DAB1: variants seen among roughly 807,000 people sequenced by gnomAD.
The protein encoded by DAB1 is disabled homolog 1.
A neutral mutation model predicts 64.6 loss-of-function variants in DAB1; 15 were observed. That is an observed-to-expected ratio of 0.23 (90% CI 0.16 to 0.36). The LOEUF (loss-of-function observed/expected upper bound fraction) is 0.36, where lower values mean the gene tolerates loss of function less well. DAB1 is among the 10% of genes least tolerant of loss of function. The pLI is 1.00. For synonymous variants in DAB1, 235 were observed against 251.9 expected (o/e 0.93, Z 0.64); for missense variants, 596 against 706.7 (o/e 0.84, Z 1.78).
chr1:58,467,761 G>T (rs1645310556), intron 3 of DAB1, among the ~76,000 whole-genome samples: 1 of 152,128 alleles, frequency 6.6e-6, no homozygotes, highest in Non-Finnish European at 1.5e-5. Context: ...TTTTTATTAT[G>T]AAATACTTCA....
At chr1:57,580,783 T>G (rs1645303883) in intron 7 of DAB1, among the ~76,000 whole-genome samples, 1 of 152,170 alleles carries the variant, frequency 6.6e-6, no homozygotes, top group Admixed American at 6.5e-5. Context: ...AATCTCATCC[T>G]CATAATAATC....
At chr1:57,068,248 C>A (rs1181811420) in intron 8 of DAB1, among the ~76,000 whole-genome samples, 2 of 152,142 alleles carry the variant, frequency 1.3e-5, no homozygotes, top group Non-Finnish European at 2.9e-5. Flanking sequence ...TAAAATCTGA[C>A]ACTCAGGACA....
At chr1:58,093,512 T>A (rs1650803320) in intron 5 of DAB1, among the ~76,000 whole-genome samples, 1 of 151,886 alleles carries the variant, frequency 6.6e-6, no homozygotes, top group South Asian at 2.1e-4. Context: ...ATGTGAGGGA[T>A]CTAGTTTGCA....
At chr1:57,141,075 C>T (rs745583603) in intron 3 of DAB1, among the ~76,000 whole-genome samples, 4 of 152,174 alleles carry the variant, frequency 2.6e-5, no homozygotes, top group Non-Finnish European at 5.9e-5. Context: ...CCTTAGAACG[C>T]TATTCCAGAA....
chr1:58,230,232 T>C (rs1659711588), intron 4 of DAB1, among the ~76,000 whole-genome samples: 1 of 152,188 alleles, frequency 6.6e-6, no homozygotes, highest in Non-Finnish European at 1.5e-5. Flanking sequence ...TCACTTCCAA[T>C]CCATCCTCCT....
At chr1:57,373,285 G>A (rs975465681) in intron 1 of DAB1, among the ~76,000 whole-genome samples, 1 of 152,176 alleles carries the variant, frequency 6.6e-6, no homozygotes, top group African/African-American at 2.4e-5. Context: ...TATCTCTTCT[G>A]ACTGGTTCTG....
intron 5 of DAB1, among the ~76,000 whole-genome samples, chr1:57,932,438 A>G (rs983181012): frequency 6.7e-5 from 10 of 149,886 alleles, no homozygotes; most frequent in African/African-American, 2.2e-4. Context: ...AGTAGCTGGG[A>G]TTAGAGGTGC....
intron 5 of DAB1, among the ~76,000 whole-genome samples, chr1:58,035,743 C>T (rs572915513): frequency 2.8e-4 from 42 of 152,290 alleles, no homozygotes; most frequent in African/African-American, 9.6e-4. Context: ...TCAAAGGCAG[C>T]ATCAGCCCAG....
intron 5 of DAB1, among the ~76,000 whole-genome samples, chr1:58,083,333 G>T (rs563885049): frequency 5.5e-4 from 84 of 152,300 alleles, no homozygotes; most frequent in Non-Finnish European, 2.1e-4. Context: ...GTTACCATGT[G>T]CTCCTGCATA....
chr1:58,518,379 A>G (rs1002248430), intron 2 of DAB1, among the ~76,000 whole-genome samples: 1 of 149,988 alleles, frequency 6.7e-6, no homozygotes, highest in African/African-American at 2.5e-5. Flanking sequence ...AGAAGGGAAG[A>G]AAAGAAAAGA....
At chr1:58,356,480 A>G (rs1468009837) in intron 3 of DAB1, among the ~76,000 whole-genome samples, 2 of 152,176 alleles carry the variant, frequency 1.3e-5, no homozygotes, top group African/African-American at 4.8e-5. Context: ...ACTGGAGCTA[A>G]TTTAGATTAT....
chr1:58,208,172 G>C (rs940036626), intron 4 of DAB1, among the ~76,000 whole-genome samples: 20 of 152,100 alleles, frequency 1.3e-4, no homozygotes, highest in African/African-American at 4.6e-4. Context: ...TGGGGATTAT[G>C]GGAACTACAG....
chr1:57,756,230 C>T (rs2101810578), intron 6 of DAB1, among the ~76,000 whole-genome samples: 1 of 152,138 alleles, frequency 6.6e-6, no homozygotes, highest in Middle Eastern at 3.4e-3. Flanking sequence ...GTCACATTGC[C>T]CTCATTTTTA....
chr1:57,442,919 G>C (rs1686008449), intron 7 of DAB1, among the ~76,000 whole-genome samples: 1 of 152,186 alleles, frequency 6.6e-6, no homozygotes, highest in Admixed American at 6.5e-5. Context: ...AGGAAGGTTG[G>C]ATAATGTGTC....
intron 5 of DAB1, among the ~76,000 whole-genome samples, chr1:58,075,976 T>G (rs973494174): frequency 6.6e-6 from 1 of 152,026 alleles, no homozygotes; most frequent in Non-Finnish European, 1.5e-5. Context: ...AACACAATAC[T>G]CGGCTTCATT....
intron 4 of DAB1, among the ~76,000 whole-genome samples, chr1:57,108,491 A>T (rs895487872): frequency 6.6e-6 from 1 of 152,144 alleles, no homozygotes; most frequent in African/African-American, 2.4e-5. Flanking sequence ...TCATCCCCAC[A>T]GTACTGTTCT....
At chr1:58,042,820 G>A (rs979794837) in intron 5 of DAB1, among the ~76,000 whole-genome samples, 3 of 152,122 alleles carry the variant, frequency 2.0e-5, no homozygotes, top group African/African-American at 7.2e-5. Context: ...TGAAGGCAAG[G>A]GGCACCACAG....
At chr1:57,431,718 G>T (rs1235429884) in intron 7 of DAB1, among the ~76,000 whole-genome samples, 2 of 152,178 alleles carry the variant, frequency 1.3e-5, no homozygotes, top group African/African-American at 4.8e-5. Flanking sequence ...GAGAGCTAAA[G>T]TGATTGTCAA....
intron 3 of DAB1, among the ~76,000 whole-genome samples, chr1:58,345,307 A>G (rs1199204271): frequency 6.6e-6 from 1 of 152,166 alleles, no homozygotes; most frequent in Non-Finnish European, 1.5e-5. Flanking sequence ...CATGCCACCA[A>G]TAACATCCTT....
Sources: allele counts gnomAD v4.1 joint callset (sites outside exome capture counted in the v4.1 genomes callset), GRCh38; gene constraint gnomAD v4.1.1; transcripts MANE v1.5; gene names NCBI Gene and HGNC (gene_info 2026-07-23, HGNC 2026-07-21).